Variants in PDE4D observed in about 807,000 individuals in gnomAD.
PDE4D encodes the protein phosphodiesterase 4D.
A neutral mutation model predicts 87.4 loss-of-function variants in PDE4D; 24 were observed. That is an observed-to-expected ratio of 0.27 (90% CI 0.20 to 0.39). The LOEUF (loss-of-function observed/expected upper bound fraction) is 0.39, where lower values mean the gene tolerates loss of function less well. Among genes scored for constraint, PDE4D ranks in the 10% least tolerant of loss-of-function variants. The pLI is 1.00. For synonymous variants in PDE4D, 384 were observed against 383.2 expected (o/e 1.00, Z -0.02); for missense variants, 714 against 1,041.0 (o/e 0.69, Z 4.32).
intron 1 of PDE4D, among the ~76,000 whole-genome samples, chr5:59,830,820 T>A (rs1167140475): frequency 1.3e-5 from 2 of 152,236 alleles, no homozygotes; most frequent in East Asian, 1.9e-4. Flanking sequence ...GGTTCAAGTT[T>A]CAGTTAAACA....
At chr5:59,167,878 T>TA (rs1310451085) in intron 5 of PDE4D, among the ~76,000 whole-genome samples, 1 of 152,082 alleles carries the variant, frequency 6.6e-6, no homozygotes, top group East Asian at 1.9e-4. Context: ...TACTAGGGAC[T>TA]AAATGAGTAA....
rs1388977869 is a variant in PDE4D, at chr5:60,413,723, T to C, written c.-90+74219A>G. 2.6e-5 allele frequency among the ~76,000 whole-genome samples: 4 copies of C among 151,818 alleles called. No individual in the cohort carries two copies. The East Asian group carries it at 7.7e-4, about 29-fold the overall frequency. ...AATTTCTTTTTTCGTTTATTTTTTT[T>C]TTTTTTGGAAAAACAGCTTAGAAAC... On this transcript the variant is annotated intron_variant, in intron 1 of 16. Transcript: ENST00000502484.
chr5:59,529,889 C>A (rs1561134516), intron 1 of PDE4D, among the ~76,000 whole-genome samples: 2 of 152,094 alleles, frequency 1.3e-5, no homozygotes, highest in Non-Finnish European at 2.9e-5. Flanking sequence ...TCATATGGAC[C>A]TGTCAGGATG....
At chr5:60,481,493 T>C (rs1748730608) in intron 1 of PDE4D, among the ~76,000 whole-genome samples, 1 of 152,158 alleles carries the variant, frequency 6.6e-6, no homozygotes, top group South Asian at 2.1e-4. Flanking sequence ...CTCAACTCCA[T>C]GCAAGAAAAA....
chr5:60,195,671 C>A (rs562916342), intron 1 of PDE4D, among the ~76,000 whole-genome samples: 12 of 151,630 alleles, frequency 7.9e-5, no homozygotes, highest in Admixed American at 4.6e-4. Context: ...TCTCTCTCCA[C>A]GTGGAACTCT....
intron 6 of PDE4D, among the ~76,000 whole-genome samples, chr5:59,019,317 G>C (rs866239706): frequency 6.6e-6 from 1 of 151,924 alleles, no homozygotes; most frequent in Non-Finnish European, 1.5e-5. Flanking sequence ...ATTTCCCCTT[G>C]ATATAATCTA....
chr5:60,502,802 T>C (rs1412013030), intron 1 of PDE4D, among the ~76,000 whole-genome samples: 2 of 152,224 alleles, frequency 1.3e-5, no homozygotes, highest in Non-Finnish European at 2.9e-5. Flanking sequence ...TTGTAGCCTC[T>C]AGCACATGAC....
intron 2 of PDE4D, among the ~76,000 whole-genome samples, chr5:59,998,692 C>T (rs1763742363): frequency 6.6e-6 from 1 of 151,896 alleles, no homozygotes; most frequent in Admixed American, 6.6e-5. Context: ...TAAAATATAA[C>T]ATGGTTACGG....
At chr5:59,072,361 T>C (rs1580652153) in intron 5 of PDE4D, among the ~76,000 whole-genome samples, 2 of 152,192 alleles carry the variant, frequency 1.3e-5, no homozygotes, top group African/African-American at 4.8e-5. Flanking sequence ...AGCATCTATA[T>C]TTGGCAGCCT....
At chr5:60,416,083 A>G (rs1230176474) in intron 1 of PDE4D, among the ~76,000 whole-genome samples, 1 of 152,128 alleles carries the variant, frequency 6.6e-6, no homozygotes, top group East Asian at 1.9e-4. Flanking sequence ...TGTCTAGCTC[A>G]GGGTTTGTAA....
At chr5:59,754,484 AG>A (rs1439714858) in intron 1 of PDE4D, among the ~76,000 whole-genome samples, 1 of 152,148 alleles carries the variant, frequency 6.6e-6, no homozygotes, top group Non-Finnish European at 1.5e-5. Context: ...TCCTACTCTC[AG>A]AAGGGCCTTG....
chr5:59,601,650 A>T (rs1257258953), intron 1 of PDE4D, among the ~76,000 whole-genome samples: 1 of 152,014 alleles, frequency 6.6e-6, no homozygotes, highest in African/African-American at 2.4e-5. Context: ...CACTTTTGAG[A>T]CTGCCCATCC....
At chr5:59,814,430 G>A (rs576192247) in intron 1 of PDE4D, among the ~76,000 whole-genome samples, 73 of 152,246 alleles carry the variant, frequency 4.8e-4, no homozygotes, top group African/African-American at 1.6e-3. Context: ...AAGGAACTTC[G>A]ATATGTGTCC....
intron 1 of PDE4D, among the ~76,000 whole-genome samples, chr5:59,384,471 T>C (rs1786560111): frequency 6.6e-6 from 1 of 152,120 alleles, no homozygotes. Flanking sequence ...TCAGTTTCTG[T>C]ACCAGAGTGA....
At chr5:59,630,968 G>A (rs528270522) in intron 1 of PDE4D, among the ~76,000 whole-genome samples, 1 of 152,082 alleles carries the variant, frequency 6.6e-6, no homozygotes, top group African/African-American at 2.4e-5. Flanking sequence ...TCTCATATTT[G>A]TGGAAGGGAT....
chr5:59,581,945 T>C (rs932981874), intron 1 of PDE4D, among the ~76,000 whole-genome samples: 5 of 152,158 alleles, frequency 3.3e-5, no homozygotes, highest in African/African-American at 1.2e-4. Flanking sequence ...GACTTTAACA[T>C]TGAGCCCTAG....
At chr5:59,700,156 CA>C (rs1752359414) in intron 1 of PDE4D, among the ~76,000 whole-genome samples, 1 of 152,086 alleles carries the variant, frequency 6.6e-6, no homozygotes, top group African/African-American at 2.4e-5. Flanking sequence ...AAAGGAAGAA[CA>C]AAACATTCAG....
chr5:59,759,084 A>G (rs1038186534), intron 1 of PDE4D, among the ~76,000 whole-genome samples: 1 of 152,168 alleles, frequency 6.6e-6, no homozygotes, highest in African/African-American at 2.4e-5. Flanking sequence ...TTATTTTGCT[A>G]CATTAGAGAT....
At chr5:60,443,612 A>G (rs539880221) in intron 1 of PDE4D, among the ~76,000 whole-genome samples, 5 of 152,172 alleles carry the variant, frequency 3.3e-5, no homozygotes, top group Admixed American at 6.5e-5. Flanking sequence ...TGCCCAGAGT[A>G]AGACAGTGGG....
Sources: gnomAD v4.1 joint callset for allele counts (sites outside exome capture counted in the v4.1 genomes callset) on GRCh38, gnomAD v4.1.1 for gene constraint, MANE v1.5 for transcripts, NCBI Gene and HGNC (gene_info 2026-07-23, HGNC 2026-07-21) for gene names.